The following PRICKLE2 variants were observed in gnomAD, a reference collection of about 807,000 sequenced individuals.
The protein encoded by PRICKLE2 is prickle planar cell polarity protein 2.
In PRICKLE2, 21 loss-of-function variants were observed where a neutral mutation model predicts 81.4. The observed-to-expected ratio is 0.26, with a 90% CI of 0.18 to 0.37. PRICKLE2 has a LOEUF of 0.37. Among genes scored for constraint, PRICKLE2 ranks in the 10% least tolerant of loss-of-function variants. The pLI, the probability that PRICKLE2 is intolerant of heterozygous loss-of-function variation, is 1.00. For missense variants in PRICKLE2, 940 were observed against 1,109.0 expected (o/e 0.85, Z 2.16); for synonymous variants, 456 against 421.5 (o/e 1.08, Z -1.00).
Position 64,173,747 on chromosome 3 carries a change from C to T in PRICKLE2, c.145-10618G>A, listed in dbSNP as rs533740746. Among the ~76,000 whole-genome samples the T allele has an allele frequency of 5.3e-5, 8 of 152,298 alleles. No individual in the cohort carries two copies. In the East Asian group the frequency reaches 7.7e-4, roughly 15 times the overall value. ...ATCTGTTGCCCAACTCTGTCTTCAA[C>T]GGTCCCAGCAAATCACACATTAAGC... On this transcript the variant is annotated intron_variant, in intron 2 of 7. Coordinates refer to ENST00000638394, the MANE Select transcript of PRICKLE2 (RefSeq NM_198859.4).
At chr3:64,121,966 C>T (rs1008039205) in intron 7 of PRICKLE2, among the ~76,000 whole-genome samples, 1 of 152,150 alleles carries the variant, frequency 6.6e-6, no homozygotes, top group African/African-American at 2.4e-5. Context: ...CAAGCTCCTC[C>T]CAGCTGAGTC....
chr3:64,216,113 A>G (rs1358781061), intron 1 of PRICKLE2, among the ~76,000 whole-genome samples: 1 of 152,146 alleles, frequency 6.6e-6, no homozygotes, highest in Non-Finnish European at 1.5e-5. Context: ...AAAATGCTGC[A>G]TTTCTCTGGG....
At chr3:64,125,958 T>A (rs953778150) in intron 7 of PRICKLE2, among the ~76,000 whole-genome samples, 2 of 152,190 alleles carry the variant, frequency 1.3e-5, no homozygotes, top group Non-Finnish European at 2.9e-5. Flanking sequence ...GAGTCTTTTT[T>A]TTTTGTTTGT....
At chr3:64,179,738 C>G (rs1310428579) in intron 2 of PRICKLE2, among the ~76,000 whole-genome samples, 3 of 152,058 alleles carry the variant, frequency 2.0e-5, no homozygotes, top group African/African-American at 7.2e-5. Context: ...TTTGGGGTTA[C>G]AAATAAATTT....
At chr3:64,242,898 T>C (rs1216990181) in intron 2 of PRICKLE2, among the ~76,000 whole-genome samples, 1 of 152,240 alleles carries the variant, frequency 6.6e-6, no homozygotes, top group Non-Finnish European at 1.5e-5. Flanking sequence ...TGAAAGAAGA[T>C]AACTATTTAC....
intron 2 of PRICKLE2, among the ~76,000 whole-genome samples, chr3:64,177,125 C>CTTT (rs10690677): frequency 0.05 from 3,571 of 70,856 alleles, 1,058 homozygotes; most frequent in South Asian, 0.086. Context: ...CCATTTTAAC[C>CTTT]TTTTTTTTTT....
intron 2 of PRICKLE2, among the ~76,000 whole-genome samples, chr3:64,256,248 T>C (rs924847018): frequency 6.6e-6 from 1 of 152,196 alleles, no homozygotes; most frequent in African/African-American, 2.4e-5. Context: ...GTGATTTTTA[T>C]AGATAAATAT....
chr3:64,145,994 A>G (rs140868084), intron 7 of PRICKLE2: 203 of 152,096 alleles, frequency 1.3e-3, no homozygotes, highest in African/African-American at 4.5e-3. Flanking sequence ...TTTGGGGAAA[A>G]CATTCAGACC....
At chr3:64,213,075 TTC>T (rs202102725) in intron 1 of PRICKLE2, among the ~76,000 whole-genome samples, 5,144 of 145,530 alleles carry the variant, frequency 0.035, 296 homozygotes, top group African/African-American at 0.12. Context: ...CTGTTTTTTG[TTC>T]TTTTTTTTTT....
rs1191422609 is a variant in PRICKLE2, at chr3:64,220,735, G to A, written c.-41+4175C>T. On this transcript the variant is annotated intron_variant, in intron 1 of 7. Coordinates refer to ENST00000638394, the MANE Select transcript of PRICKLE2 (RefSeq NM_198859.4). ...CTTCATGCCTCCAGTTCCAACCAGCGACATCTCTGGATTCTGTGCCCCCTG... is the reference window on the plus strand; with the variant it reads ...CTTCATGCCTCCAGTTCCAACCAGCAACATCTCTGGATTCTGTGCCCCCTG... Among the ~76,000 whole-genome samples the A allele has an allele frequency of 1.3e-4, 20 of 152,042 alleles. No individual in the cohort carries two copies. In the South Asian group the frequency reaches 2.1e-3, roughly 16 times the overall value.
intron 2 of PRICKLE2, chr3:64,163,633 A>T: frequency 5.4e-6 from 1 of 185,108 alleles, no homozygotes; most frequent in African/African-American, 2.3e-5. Context: ...GACTTTTGTA[A>T]GGCAGGCAGC....
chr3:64,114,281 A>C (rs1050632879), intron 7 of PRICKLE2, among the ~76,000 whole-genome samples: 3 of 152,212 alleles, frequency 2.0e-5, no homozygotes, highest in African/African-American at 7.2e-5. Flanking sequence ...GAATCAGGGC[A>C]AGAATGCTGA....
At chr3:64,142,346 C>G (rs1300413453) in intron 7 of PRICKLE2, among the ~76,000 whole-genome samples, 3 of 135,274 alleles carry the variant, frequency 2.2e-5, no homozygotes, top group Non-Finnish European at 3.1e-5. Context: ...GAGTTTTGCT[C>G]TGTCAAAAGG....
intron 1 of PRICKLE2, among the ~76,000 whole-genome samples, chr3:64,212,071 G>A (rs1011491859): frequency 2.6e-5 from 4 of 152,274 alleles, no homozygotes; most frequent in South Asian, 2.1e-4. Context: ...ATGAGTAGAC[G>A]GAGTGAGCCC....
At chr3:64,111,953 C>T (rs781332319) in intron 7 of PRICKLE2, among the ~76,000 whole-genome samples, 22 of 152,164 alleles carry the variant, frequency 1.4e-4, no homozygotes, top group Non-Finnish European at 3.1e-4. Context: ...CAAGAATGCA[C>T]TCATGACAAT....
At chr3:64,130,115 C>T (rs76626462) in intron 7 of PRICKLE2, among the ~76,000 whole-genome samples, 1,717 of 152,336 alleles carry the variant, frequency 0.011, 10 homozygotes, top group Non-Finnish European at 0.016. Flanking sequence ...CCTTTGTTCG[C>T]TCATCTCCAA....
intron 2 of PRICKLE2, among the ~76,000 whole-genome samples, chr3:64,172,704 C>G (rs1441681576): frequency 6.6e-6 from 1 of 152,156 alleles, no homozygotes; most frequent in Non-Finnish European, 1.5e-5. Context: ...TTGTGTACCC[C>G]CTGTGATTCA....
At chr3:64,222,651 C>T (rs1232515257) in intron 1 of PRICKLE2, among the ~76,000 whole-genome samples, 1 of 152,168 alleles carries the variant, frequency 6.6e-6, no homozygotes, top group Non-Finnish European at 1.5e-5. Flanking sequence ...AACCCATAAG[C>T]TGAAGGCACC....
chr3:64,142,978 G>A (rs748058379), intron 7 of PRICKLE2, among the ~76,000 whole-genome samples: 12 of 152,070 alleles, frequency 7.9e-5, no homozygotes, highest in Non-Finnish European at 1.5e-5. Context: ...CCCAGCAAGT[G>A]TGACTCCAGA....
Sources: gnomAD v4.1 joint callset for allele counts (sites outside exome capture counted in the v4.1 genomes callset) on GRCh38, gnomAD v4.1.1 for gene constraint, MANE v1.5 for transcripts, NCBI Gene and HGNC (gene_info 2026-07-23, HGNC 2026-07-21) for gene names.